Variants in PREX1 observed in about 807,000 individuals in gnomAD.
PREX1 encodes the protein phosphatidylinositol 3,4,5-trisphosphate-dependent Rac exchanger 1 protein.
In PREX1, 41 loss-of-function variants were observed where a neutral mutation model predicts 198.3. The ratio of observed to expected loss-of-function variants is 0.21; its 90% confidence interval spans 0.16 to 0.27. PREX1 has a LOEUF of 0.27. Ranked by LOEUF, PREX1 falls within the 10% of genes least tolerant of loss-of-function variation. The pLI is 1.00. For synonymous variants in PREX1, 843 were observed against 887.2 expected, an observed-to-expected ratio of 0.95 and a Z score of 0.89; for missense variants, 1,620 against 2,200.7, an observed-to-expected ratio of 0.74 and a Z score of 5.28.
intron 15 of PREX1, among the ~76,000 whole-genome samples, chr20:48,663,475 C>T (rs746318570): frequency 5.9e-5 from 9 of 151,856 alleles, no homozygotes; most frequent in African/African-American, 1.7e-4. Context: ...TGTGGTGAGC[C>T]GAGATCACAC....
chr20:48,830,751 C>T (rs534370041), upstream of PREX1, among the ~76,000 whole-genome samples: 6 of 152,344 alleles, frequency 3.9e-5, no homozygotes, highest in Middle Eastern at 6.8e-3. Flanking sequence ...TACTTAAGCT[C>T]TCTGTGCCTT....
At chr20:48,809,200 G>C (rs1487052343) in intron 1 of PREX1, among the ~76,000 whole-genome samples, 2 of 152,238 alleles carry the variant, frequency 1.3e-5, no homozygotes, top group South Asian at 2.1e-4. Context: ...CAAGGAGGCA[G>C]GATAGGAGCA....
chr20:48,813,563 T>C (rs2090445808), intron 1 of PREX1, among the ~76,000 whole-genome samples: 2 of 152,202 alleles, frequency 1.3e-5, no homozygotes, highest in Admixed American at 1.3e-4. Flanking sequence ...ACGTCTGTCT[T>C]CCTAAGTGAT....
chr20:48,823,628 T>C (rs1479814287), intron 1 of PREX1, among the ~76,000 whole-genome samples: 1 of 152,222 alleles, frequency 6.6e-6, no homozygotes, highest in Non-Finnish European at 1.5e-5. Flanking sequence ...CTGCCATTTC[T>C]ATCCGTCCAC....
chr20:48,838,911 A>C, the PREX1 span, among the ~76,000 whole-genome samples: 2 of 145,804 alleles, frequency 1.4e-5, no homozygotes, highest in African/African-American at 5.1e-5. Flanking sequence ...CTGTAATCCC[A>C]GCTACTTGGG....
intron 3 of PREX1, among the ~76,000 whole-genome samples, chr20:48,738,942 G>C (rs2090069122): frequency 6.6e-6 from 1 of 152,172 alleles, no homozygotes; most frequent in South Asian, 2.1e-4. Flanking sequence ...TTTCTCAACA[G>C]TCTCCCCAAA....
At chr20:48,796,398 T>C (rs949772998) in intron 1 of PREX1, among the ~76,000 whole-genome samples, 1 of 151,350 alleles carries the variant, frequency 6.6e-6, no homozygotes, top group South Asian at 2.1e-4. Context: ...TGGAACAACC[T>C]CCATCATACA....
At chr20:48,857,418 A>G in the PREX1 span, among the ~76,000 whole-genome samples, 1 of 152,240 alleles carries the variant, frequency 6.6e-6, no homozygotes, top group Non-Finnish European at 1.5e-5. Flanking sequence ...ACAGTGGCTC[A>G]TGCCTGTAAT....
chr20:48,763,953 G>A (rs188976526), intron 1 of PREX1, among the ~76,000 whole-genome samples: 17 of 152,254 alleles, frequency 1.1e-4, no homozygotes, highest in Admixed American at 5.2e-4. Context: ...AAAGGAGACC[G>A]AGGTTCTCAG....
chr20:48,707,375 A>G (rs2089908434), intron 6 of PREX1, among the ~76,000 whole-genome samples: 3 of 152,214 alleles, frequency 2.0e-5, no homozygotes, highest in African/African-American at 4.8e-5. Context: ...CCAATCCACA[A>G]TATCCACCCC....
chr20:48,756,863 G>C (rs147450643), intron 1 of PREX1, among the ~76,000 whole-genome samples: 11,327 of 152,242 alleles, frequency 0.074, 603 homozygotes, highest in East Asian at 0.14. Context: ...TGGCTGAGGA[G>C]GCCTCACAAT....
In PREX1 at chr20:48,666,358, G is replaced by A; in HGVS notation, c.1666-3C>T. On this transcript the variant is annotated splice_polypyrimidine_tract_variant and splice_region_variant and intron_variant, in intron 14 of 39. Transcript: ENST00000371941. This position sits in a 1 kb window ranked among gnomAD's most constrained non-coding sequence, Gnocchi z 4.3. ...TCCTCCCGAGTCTGGCAGTCTCCCT[G>A]GAATGGAACAAGAAGGGGAGGGTGT... The A allele has an allele frequency of 1.3e-6, 2 of 1,556,204 alleles. No individual in the cohort carries two copies. The highest frequency in any genetic ancestry group is 1.7e-6 in the Non-Finnish European group (2 of 1,150,836).
At position 48,712,737 on chromosome 20, in the gene PREX1, T is replaced by C. The variant is rs201987109; in HGVS notation, c.622-4316A>G. ...CTTTGGTGTCTTGGTTCACGGGGCA[T>C]GTTGGCTCCACTCTGTGGAGCTCCA... is the stretch of plus-strand genomic sequence containing the variant. On this transcript the variant is annotated intron_variant, in intron 5 of 39. Coordinates refer to ENST00000371941, the MANE Select transcript of PREX1 (RefSeq NM_020820.4). Among the ~76,000 whole-genome samples the C allele has an allele frequency of 2.6e-5, 4 of 152,214 alleles. No individual in the cohort carries two copies. The East Asian group carries it at 5.8e-4, about 22-fold the overall frequency.
intron 1 of PREX1, among the ~76,000 whole-genome samples, chr20:48,813,926 T>C (rs1031040962): frequency 1.3e-5 from 2 of 152,184 alleles, no homozygotes; most frequent in Non-Finnish European, 2.9e-5. Context: ...CCACTGTATT[T>C]ACTACCTTTG....
intron 1 of PREX1, among the ~76,000 whole-genome samples, chr20:48,820,096 G>A (rs138853933): frequency 7.2e-5 from 11 of 152,362 alleles, no homozygotes; most frequent in African/African-American, 2.6e-4. Flanking sequence ...TCCATCCTGG[G>A]GAAGGAATCA....
At chr20:48,682,667 C>T (rs970841397) in intron 10 of PREX1, among the ~76,000 whole-genome samples, 1 of 152,324 alleles carries the variant, frequency 6.6e-6, no homozygotes, top group East Asian at 1.9e-4. Flanking sequence ...TTCCCAGCTC[C>T]CACGTGACTG....
chr20:48,810,037 T>C (rs532725045), intron 1 of PREX1, among the ~76,000 whole-genome samples: 117 of 152,242 alleles, frequency 7.7e-4, no homozygotes, highest in Non-Finnish European at 1.5e-4. Context: ...TTAAAACCCC[T>C]ATAGGAGCTG....
At chr20:48,729,562 C>A (rs572203948) in intron 4 of PREX1, among the ~76,000 whole-genome samples, 14 of 152,294 alleles carry the variant, frequency 9.2e-5, no homozygotes, top group African/African-American at 3.1e-4. Context: ...CTAGCCTGCA[C>A]CCTCTTGGGA....
In PREX1 at chr20:48,827,494, C is replaced by T; in HGVS notation, c.219+148G>A. ...AGGCGACGCGACAGCTCTGGAGGAG[C>T]TCGGATCCCCCCCGCTTTCCGCGCG... is the stretch of plus-strand genomic sequence containing the variant. On this transcript the variant is annotated intron_variant, in intron 1 of 39. Transcript: ENST00000371941. This position sits in a 1 kb window ranked among gnomAD's most constrained non-coding sequence, Gnocchi z 4.1. The T allele has an allele frequency of 1.9e-6, 1 of 523,734 alleles. No individual in the cohort carries two copies. Among genetic ancestry groups the T allele is most frequent in the Non-Finnish European group, 2.9e-6 (1 of 347,380 alleles). The allele number at this position is 523,734 out of a possible 1,614,324, so 32.4% of individuals were successfully genotyped here.
Sources: gnomAD v4.1 joint callset for allele counts (sites outside exome capture counted in the v4.1 genomes callset) on GRCh38, gnomAD v4.1.1 for gene constraint, Gnocchi (gnomAD v3.1) non-coding constraint, MANE v1.5 for transcripts, NCBI Gene and HGNC (gene_info 2026-07-23, HGNC 2026-07-21) for gene names.